The following UNC5C variants were observed in gnomAD, a reference collection of about 807,000 sequenced individuals.
The protein encoded by UNC5C is unc-5 netrin receptor C.
In UNC5C, 47 loss-of-function variants were observed where a neutral mutation model predicts 99.8. The ratio of observed to expected loss-of-function variants is 0.47; its 90% CI spans 0.37 to 0.60. The LOEUF (loss-of-function observed/expected upper bound fraction) is 0.60. Among genes scored for constraint, UNC5C ranks in the 20% least tolerant of loss-of-function variants. UNC5C has a pLI of 0.00. For missense variants in UNC5C, 1,062 were observed against 1,165.9 expected (o/e 0.91, Z 1.30); for synonymous variants, 487 against 452.2 (o/e 1.08, Z -0.98).
Position 95,219,250 on chromosome 4 carries a change from G to A in UNC5C, c.1364C>T (p.Ala455Val). 1.2e-6 allele frequency: 2 copies of A among 1,614,158 alleles called. No homozygotes were observed. Among genetic ancestry groups the A allele is most frequent in the Non-Finnish European group, 8.5e-7 (1 of 1,180,018 alleles). Reference sequence around the variant, plus strand: ...GATTTTGTCTGAGACGTCATGCAGGGCATAGACAGGTCCTCTGTACATGGC... The same window carrying A: ...GATTTTGTCTGAGACGTCATGCAGGACATAGACAGGTCCTCTGTACATGGC... ...AAAMYRGPVY[A>V]LHDVSDKIPM... is the part of the protein sequence containing the mutation. Residue 455 changes from alanine (A) to valine (V), a missense_variant, in exon 9 of 16, where the codon GCC becomes GTC. Ala to Val is a moderately conservative substitution (Grantham distance 64, BLOSUM62 0). Transcript: ENST00000453304.
intron 3 of UNC5C, among the ~76,000 whole-genome samples, chr4:95,300,966 A>G (rs1741845947): frequency 6.6e-6 from 1 of 152,194 alleles, no homozygotes; most frequent in Non-Finnish European, 1.5e-5. Flanking sequence ...TGTTTGTAAC[A>G]CAAAAGGATA....
chr4:95,382,194 C>T (rs1206509801), intron 1 of UNC5C, among the ~76,000 whole-genome samples: 1 of 151,990 alleles, frequency 6.6e-6, no homozygotes, highest in Non-Finnish European at 1.5e-5. Flanking sequence ...ACTTTCAGGC[C>T]AGGTGGTGCA....
intron 4 of UNC5C, among the ~76,000 whole-genome samples, chr4:95,276,078 T>G (rs1740849891): frequency 6.6e-6 from 1 of 152,212 alleles, no homozygotes; most frequent in African/African-American, 2.4e-5. Context: ...GGTCGTATAA[T>G]CCTTTAACTC....
intron 2 of UNC5C, among the ~76,000 whole-genome samples, chr4:95,311,541 T>C (rs76243047): frequency 0.038 from 5,807 of 152,300 alleles, 155 homozygotes; most frequent in Non-Finnish European, 0.056. Context: ...GTAGTTTTAA[T>C]ACAATTTTAA....
intron 1 of UNC5C, among the ~76,000 whole-genome samples, chr4:95,427,158 T>C (rs1248265478): frequency 1.3e-5 from 2 of 152,150 alleles, no homozygotes; most frequent in Non-Finnish European, 2.9e-5. Flanking sequence ...AACATGAAGA[T>C]GTGACTGAAT....
chr4:95,422,537 A>G (rs1042004719), intron 1 of UNC5C, among the ~76,000 whole-genome samples: 1 of 148,294 alleles, frequency 6.7e-6, no homozygotes, highest in Non-Finnish European at 1.5e-5. Context: ...CACTGATTAG[A>G]TTTGCAACCG....
In UNC5C at chr4:95,169,534, T is replaced by G. The variant is rs80205089; in HGVS notation, c.2631-135A>C. On this transcript the variant is annotated intron_variant, in intron 15 of 15. Transcript: ENST00000453304. Reference sequence around the variant, plus strand: ...GTGGCTGACAGTGAGCCATCCTAAATAACTAGCCCATGCTTAATTAGATCA... The same window carrying G: ...GTGGCTGACAGTGAGCCATCCTAAAGAACTAGCCCATGCTTAATTAGATCA... The G allele has an allele frequency of 0.026, 24,496 of 942,664 alleles. 619 individuals are homozygous for G. Among genetic ancestry groups the G allele is most frequent in the African/African-American group, 0.1 (6,146 of 60,706 alleles). The allele number at this position is 942,664 out of a possible 1,614,324, so 58.4% of individuals were successfully genotyped here. A position where few individuals can be genotyped will look rare whatever the true frequency, so the allele number is the denominator to read the frequency against.
At chr4:95,313,183 G>T (rs892603457) in intron 2 of UNC5C, among the ~76,000 whole-genome samples, 1 of 152,112 alleles carries the variant, frequency 6.6e-6, no homozygotes, top group Non-Finnish European at 1.5e-5. Context: ...GAGCACTCTA[G>T]GGGAGAGTAG....
intron 3 of UNC5C, among the ~76,000 whole-genome samples, chr4:95,300,428 A>G (rs1322123613): frequency 3.3e-5 from 5 of 152,218 alleles, no homozygotes; most frequent in Non-Finnish European, 7.3e-5. Flanking sequence ...CTTCCTGAAC[A>G]TGTATGCTCT....
At chr4:95,296,905 T>A (rs1289661553) in intron 3 of UNC5C, among the ~76,000 whole-genome samples, 5 of 152,232 alleles carry the variant, frequency 3.3e-5, no homozygotes, top group Non-Finnish European at 7.3e-5. Context: ...TGTTGTGGTA[T>A]GCTACCAGGA....
chr4:95,240,067 T>C (rs1017515938), intron 7 of UNC5C, among the ~76,000 whole-genome samples: 3 of 152,206 alleles, frequency 2.0e-5, no homozygotes, highest in African/African-American at 4.8e-5. Flanking sequence ...TATTTTGAGA[T>C]AAATTGTGAT....
intron 7 of UNC5C, among the ~76,000 whole-genome samples, chr4:95,220,837 G>A (rs1389737585): frequency 6.6e-6 from 1 of 152,182 alleles, no homozygotes; most frequent in Non-Finnish European, 1.5e-5. Context: ...TGATACAGAT[G>A]CAGTATTATC....
At chr4:95,448,225 T>TGAGA (rs1260024385) in intron 1 of UNC5C, among the ~76,000 whole-genome samples, 1,251 of 105,564 alleles carry the variant, frequency 0.012, 14 homozygotes, top group East Asian at 0.047. Context: ...TGTGTGTGTG[T>TGAGA]GTGAGAGAGA....
intron 1 of UNC5C, among the ~76,000 whole-genome samples, chr4:95,448,981 G>T (rs1446271017): frequency 1.3e-5 from 2 of 151,894 alleles, no homozygotes; most frequent in Non-Finnish European, 2.9e-5. Context: ...CCAAGGCTAC[G>T]CCAGGTAAGA....
intron 12 of UNC5C, among the ~76,000 whole-genome samples, chr4:95,192,663 C>G (rs911449096): frequency 6.1e-5 from 9 of 148,750 alleles, no homozygotes; most frequent in Non-Finnish European, 1.3e-4. Context: ...CTCACCTCTT[C>G]CCCTGCTCAC....
In UNC5C at chr4:95,278,307, C is replaced by A. The variant is rs770470612; in HGVS notation, c.546G>T (p.Gln182His). 3 of 1,614,124 alleles carry A rather than the reference C, an allele frequency of 1.9e-6. No individual in the cohort carries two copies. The highest frequency in any genetic ancestry group is 2.5e-6 in the Non-Finnish European group (3 of 1,180,022). Reference sequence around the variant, plus strand: ...GTGGTCGACACTGGAGTAAGACTTCCTGTTCCAAAGACACTTCCTTTCCTA... The same window carrying A: ...GTGGTCGACACTGGAGTAAGACTTCATGTTCCAAAGACACTTCCTTTCCTA... Reference protein sequence around the residue: ...EPLGKEVSLEQEVLLQCRPPE... With the variant: ...EPLGKEVSLEHEVLLQCRPPE... Residue 182 changes from glutamine to histidine, a missense_variant, in exon 4 of 16, where the codon CAG becomes CAT. Transcript: ENST00000453304.
chr4:95,510,940 A>G (rs1722054829), intron 1 of UNC5C, among the ~76,000 whole-genome samples: 2 of 152,140 alleles, frequency 1.3e-5, no homozygotes, highest in Admixed American at 1.3e-4. Flanking sequence ...AGACAATTAA[A>G]GTCTTCTTCA....
chr4:95,390,687 T>G (rs1346465437), intron 1 of UNC5C, among the ~76,000 whole-genome samples: 2 of 152,326 alleles, frequency 1.3e-5, no homozygotes, highest in South Asian at 2.1e-4. Context: ...CTTTACATTT[T>G]CCATAGCACC....
chr4:95,288,063 A>ATTATTTATTTAT (rs373317999), intron 3 of UNC5C, among the ~76,000 whole-genome samples: 50,118 of 142,990 alleles, frequency 0.35, 9,580 homozygotes, highest in East Asian at 0.63. Context: ...CACTTTACAG[A>ATTATTTATTTAT]TTATTTATTT....
Sources: gnomAD v4.1 joint callset for allele counts (sites outside exome capture counted in the v4.1 genomes callset) on GRCh38, gnomAD v4.1.1 for gene constraint, MANE v1.5 for transcripts, NCBI Gene and HGNC (gene_info 2026-07-23, HGNC 2026-07-21) for gene names.